Variants in PACRG observed in about 807,000 individuals in gnomAD.
PACRG encodes the protein parkin coregulated.
In PACRG, 29 loss-of-function variants were observed where a neutral mutation model predicts 29.7. The ratio of observed to expected loss-of-function variants is 0.98; its 90% CI spans 0.73 to 1.33. The LOEUF is 1.33. Ranked by LOEUF, PACRG falls within the 40% of genes most tolerant of loss-of-function variation. The pLI, the probability that PACRG is intolerant of heterozygous loss-of-function variation, is 0.00. For missense variants in PACRG, 279 were observed against 316.2 expected (o/e 0.88, Z 0.89); for synonymous variants, 116 against 118.7 (o/e 0.98, Z 0.15).
At chr6:162,770,056 C>T (rs1783099961) in intron 1 of PACRG, among the ~76,000 whole-genome samples, 1 of 152,044 alleles carries the variant, frequency 6.6e-6, no homozygotes. Context: ...TATGCAATTT[C>T]AAGGCAAACC....
intron 2 of PACRG, among the ~76,000 whole-genome samples, chr6:162,832,648 T>C (rs898675667): frequency 6.6e-6 from 1 of 152,190 alleles, no homozygotes; most frequent in Non-Finnish European, 1.5e-5. Context: ...GTAGCTCACA[T>C]TATTCTGATA....
intron 2 of PACRG, among the ~76,000 whole-genome samples, chr6:162,860,926 T>A (rs954270587): frequency 1.3e-5 from 2 of 152,176 alleles, no homozygotes; most frequent in African/African-American, 4.8e-5. Flanking sequence ...GTCCATTTTT[T>A]CCCTGATTAA....
chr6:163,058,717 A>T (rs2128257760), intron 2 of PACRG, among the ~76,000 whole-genome samples: 1 of 152,340 alleles, frequency 6.6e-6, no homozygotes, highest in East Asian at 1.9e-4. Flanking sequence ...TAACACGGTG[A>T]AACCCCGTCT....
chr6:163,220,184 C>T (rs986741937), intron 4 of PACRG, among the ~76,000 whole-genome samples: 2 of 151,376 alleles, frequency 1.3e-5, no homozygotes, highest in African/African-American at 2.4e-5. Context: ...GTGTCTTCTG[C>T]GACAGATAGA....
chr6:163,050,362 C>G (rs1284633072), intron 2 of PACRG, among the ~76,000 whole-genome samples: 1 of 152,196 alleles, frequency 6.6e-6, no homozygotes, highest in African/African-American at 2.4e-5. Flanking sequence ...ACCTTTGACC[C>G]AGATTACCTT....
chr6:163,202,353 T>C (rs1338600294), intron 4 of PACRG, among the ~76,000 whole-genome samples: 1 of 152,088 alleles, frequency 6.6e-6, no homozygotes, highest in Non-Finnish European at 1.5e-5. Context: ...TAAATATATA[T>C]ATATGTATAT....
At chr6:162,816,227 G>A (rs1033676036) in intron 2 of PACRG, among the ~76,000 whole-genome samples, 8 of 152,184 alleles carry the variant, frequency 5.3e-5, no homozygotes, top group African/African-American at 1.9e-4. Context: ...GTCACTGGTA[G>A]TATAATAGCA....
intron 2 of PACRG, among the ~76,000 whole-genome samples, chr6:162,990,455 G>C (rs1464225008): frequency 6.7e-6 from 1 of 148,546 alleles, no homozygotes; most frequent in Non-Finnish European, 1.5e-5. Flanking sequence ...TGATATCTCA[G>C]AGTGGTTTTG....
At chr6:163,092,602 GA>G (rs151101391) in intron 4 of PACRG, among the ~76,000 whole-genome samples, 1,806 of 152,284 alleles carry the variant, frequency 0.012, 27 homozygotes, top group East Asian at 0.065. Flanking sequence ...TTTGGAGCCA[GA>G]AAAGCTGTGA....
chr6:163,255,551 GAA>G (rs977377800), intron 4 of PACRG, among the ~76,000 whole-genome samples: 2 of 152,184 alleles, frequency 1.3e-5, no homozygotes, highest in Non-Finnish European at 2.9e-5. Flanking sequence ...CAGCCAGGGA[GAA>G]AGAGACCTGG....
At chr6:163,227,248 A>G (rs931950786) in intron 4 of PACRG, among the ~76,000 whole-genome samples, 1 of 152,140 alleles carries the variant, frequency 6.6e-6, no homozygotes, top group Non-Finnish European at 1.5e-5. Context: ...AGGAGCACGC[A>G]CATCACAAGA....
At chr6:163,202,511 T>G (rs1445052187) in intron 4 of PACRG, among the ~76,000 whole-genome samples, 1 of 152,136 alleles carries the variant, frequency 6.6e-6, no homozygotes, top group African/African-American at 2.4e-5. Flanking sequence ...TTTTCCCATA[T>G]TTCCCCACAT....
chr6:163,269,226 C>A (rs1047819607), intron 4 of PACRG, among the ~76,000 whole-genome samples: 10 of 152,150 alleles, frequency 6.6e-5, no homozygotes, highest in African/African-American at 2.4e-4. Context: ...CCATCCAGCA[C>A]CTGGTAACAC....
chr6:162,747,493 T>TATATATATATA (rs71008109), intron 1 of PACRG, among the ~76,000 whole-genome samples: 7 of 127,592 alleles, frequency 5.5e-5, no homozygotes, highest in Non-Finnish European at 8.1e-5. Context: ...TATATATATA[T>TATATATATATA]TCCATTAGTT....
Position 163,055,834 on chromosome 6 carries a change from C to A in PACRG, c.292-6316C>A, listed in dbSNP as rs774733854. ...ACATGGAAACCCCATGCCCAATAAG[C>A]AGCCACTTCCCAGAATCCTTTCCCC... On this transcript the variant is annotated intron_variant, in intron 2 of 4. Coordinates refer to ENST00000366888, the MANE Select transcript of PACRG (RefSeq NM_001080379.2). This position sits in a 1 kb window ranked among gnomAD's most constrained non-coding sequence, Gnocchi z 4.0. 1.1e-4 allele frequency among the ~76,000 whole-genome samples: 17 copies of A among 152,196 alleles called. No homozygotes were observed. The highest frequency in any genetic ancestry group is 2.2e-4 in the Non-Finnish European group (15 of 68,042).
intron 2 of PACRG, among the ~76,000 whole-genome samples, chr6:162,953,345 TATTA>T (rs1221925420): frequency 6.6e-6 from 1 of 152,240 alleles, no homozygotes; most frequent in Non-Finnish European, 1.5e-5. Flanking sequence ...TGTTCAAGCT[TATTA>T]ATTCAGTTAT....
chr6:163,228,872 T>C (rs781180039), intron 4 of PACRG, among the ~76,000 whole-genome samples: 2 of 152,152 alleles, frequency 1.3e-5, no homozygotes, highest in East Asian at 1.9e-4. Context: ...TACTGTCTAA[T>C]TCAAAAGTCC....
At chr6:163,102,483 G>A (rs1267373557) in intron 4 of PACRG, among the ~76,000 whole-genome samples, 1 of 152,168 alleles carries the variant, frequency 6.6e-6, no homozygotes, top group Non-Finnish European at 1.5e-5. Flanking sequence ...TGCATCCTGG[G>A]AAGATCCCAA....
chr6:163,002,178 C>G (rs1358090879), intron 2 of PACRG, among the ~76,000 whole-genome samples: 1 of 152,176 alleles, frequency 6.6e-6, no homozygotes, highest in African/African-American at 2.4e-5. Context: ...TTAGGTTGAT[C>G]TATATAACAC....
Sources: gnomAD v4.1 joint callset for allele counts (sites outside exome capture counted in the v4.1 genomes callset) on GRCh38, gnomAD v4.1.1 for gene constraint, Gnocchi (gnomAD v3.1) non-coding constraint, MANE v1.5 for transcripts, NCBI Gene and HGNC (gene_info 2026-07-23, HGNC 2026-07-21) for gene names.